NSF: variants seen among roughly 807,000 people sequenced by gnomAD.
NSF encodes N-ethylmaleimide sensitive factor, vesicle fusing ATPase.
A neutral mutation model predicts 50.3 loss-of-function variants in NSF; 14 were observed. That is an observed-to-expected ratio of 0.28 (90% CI 0.18 to 0.44). NSF has a LOEUF of 0.44. Ranked by LOEUF, NSF falls within the 20% of genes least tolerant of loss-of-function variation. The pLI is 1.00. For synonymous variants in NSF, 109 were observed against 175.7 expected, an observed-to-expected ratio of 0.62 and a Z score of 3.00; for missense variants, 218 against 504.3, an observed-to-expected ratio of 0.43 and a Z score of 5.44.
At chr17:46,625,758 A>AGTG (rs1372210660) in intron 2 of NSF, among the ~76,000 whole-genome samples, 2 of 103,174 alleles carry the variant, frequency 1.9e-5, no homozygotes, top group African/African-American at 1.0e-4. Flanking sequence ...TTAAAAAGAT[A>AGTG]GTGAGCTAGG....
intron 15 of NSF, chr17:46,721,541 G>C (rs752375069): frequency 2.6e-6 from 3 of 1,169,454 alleles, no homozygotes; most frequent in Non-Finnish European, 3.8e-6. Flanking sequence ...TTCTTTTTCT[G>C]TGTGTGTGTG....
intron 1 of NSF, among the ~76,000 whole-genome samples, chr17:46,621,231 T>C (rs958297558): frequency 4.0e-5 from 6 of 150,272 alleles, no homozygotes; most frequent in African/African-American, 1.5e-4. Context: ...ATAGTTTACC[T>C]GTGAATGAAG....
At position 46,711,041 on chromosome 17, in the gene NSF, G is replaced by C. The variant is rs1488487059; in HGVS notation, c.1549G>C (p.Val517Leu). The C allele has an allele frequency of 6.3e-7, 1 of 1,590,968 alleles. No homozygotes were observed. Residue 517 changes from valine (V) to leucine (L), a missense_variant, in exon 14 of 21, where the codon GTT becomes CTT. Coordinates refer to ENST00000398238, the MANE Select transcript of NSF (RefSeq NM_006178.4). ...CAAATGGGGTGACCCAGTTACTCGAGTTCTAGATGATGGGGAGCTGCTGGT... is the reference window on the plus strand; with the variant it reads ...CAAATGGGGTGACCCAGTTACTCGACTTCTAGATGATGGGGAGCTGCTGGT... Reference protein sequence around the residue: ...IIKWGDPVTRVLDDGELLVQQ... With the variant: ...IIKWGDPVTRLLDDGELLVQQ...
In NSF at chr17:46,710,955, C is replaced by T. The variant is rs765260122; in HGVS notation, c.1471-8C>T. 3 of 1,577,734 alleles carry T rather than the reference C, an allele frequency of 1.9e-6. No individual in the cohort carries two copies. The highest frequency in any genetic ancestry group is 2.0e-5 in the Admixed American group (1 of 48,866). On this transcript the variant is annotated splice_polypyrimidine_tract_variant and splice_region_variant and intron_variant, in intron 13 of 20. Transcript: ENST00000398238. ...CTCAAAATGCTTTAGACTCCTTTTT[C>T]TTAATAGGCCTTTGGCACAAACCAA...
At chr17:46,722,030 G>T (rs745700486) in intron 15 of NSF, 2 of 1,607,496 alleles carry the variant, frequency 1.2e-6, no homozygotes, top group Non-Finnish European at 1.7e-6. Context: ...CTTGGCTGCC[G>T]TAATATTCAG....
intron 15 of NSF, among the ~76,000 whole-genome samples, chr17:46,717,851 A>G (rs956396130): frequency 6.6e-6 from 1 of 152,196 alleles, no homozygotes; most frequent in African/African-American, 2.4e-5. Context: ...AAGGTCCTGG[A>G]GCATGATGGA....
chr17:46,691,571 G>C (rs1255144375), intron 9 of NSF, among the ~76,000 whole-genome samples: 2 of 150,516 alleles, frequency 1.3e-5, no homozygotes, highest in Admixed American at 6.6e-5. Flanking sequence ...CTCCAGCCTG[G>C]GCAGCAGAGC....
In NSF at chr17:46,730,654, C is replaced by A. The variant is rs180978363; in HGVS notation, c.1908+1720C>A. 3.4e-4 allele frequency among the ~76,000 whole-genome samples: 52 copies of A among 152,178 alleles called. No homozygotes were observed. The East Asian group carries it at 0.01, about 29-fold the overall frequency. ...CTTATACGTACATGCTTCACAAATA[C>A]CTTATCAACAAAAAAAAATTTTTCA... On this transcript the variant is annotated intron_variant, in intron 17 of 20. Coordinates refer to ENST00000398238, the MANE Select transcript of NSF (RefSeq NM_006178.4).
intron 17 of NSF, among the ~76,000 whole-genome samples, chr17:46,747,407 G>A (rs975951790): frequency 1.3e-5 from 2 of 151,978 alleles, no homozygotes; most frequent in Non-Finnish European, 1.5e-5. Context: ...CAGGCTCCCA[G>A]GTACCTGGGA....
rs2059166601 is a variant in NSF at position 46,750,043 on chromosome 17, T to C, written c.2043+136T>C. ...GGACCCGGGGATATTACAGGTTGTA[T>C]ATACCTTATCCAAAATGCCTGGGAC... is the stretch of plus-strand genomic sequence containing the variant. On this transcript the variant is annotated intron_variant, in intron 18 of 20. Coordinates refer to ENST00000398238, the MANE Select transcript of NSF (RefSeq NM_006178.4). The C allele has an allele frequency of 5.7e-5, 55 of 969,972 alleles. No individual in the cohort carries two copies. In the South Asian group the frequency reaches 1.1e-3, roughly 19 times the overall value. 60.1% of individuals were successfully genotyped at this position (969,972 alleles called of 1,614,324 possible).
chr17:46,682,132 A>ATT (rs2058465429), intron 9 of NSF, among the ~76,000 whole-genome samples: 1 of 99,828 alleles, frequency 1.0e-5, no homozygotes, highest in Non-Finnish European at 1.7e-5. Context: ...GGTGTTTTGG[A>ATT]TTTTGGTTTT....
At chr17:46,733,166 T>A (rs1038051292) in intron 17 of NSF, among the ~76,000 whole-genome samples, 1 of 152,194 alleles carries the variant, frequency 6.6e-6, no homozygotes, top group Non-Finnish European at 1.5e-5. Flanking sequence ...ACACTGGGGC[T>A]CTTTTCAAGT....
intron 8 of NSF, among the ~76,000 whole-genome samples, chr17:46,672,206 G>T (rs1279310413): frequency 2.3e-5 from 1 of 43,914 alleles, no homozygotes; most frequent in African/African-American, 8.6e-5. Context: ...GAGAATGGAT[G>T]AGTCTGCTGA....
At chr17:46,730,328 T>C (rs1005032627) in intron 17 of NSF, among the ~76,000 whole-genome samples, 2 of 152,122 alleles carry the variant, frequency 1.3e-5, no homozygotes, top group African/African-American at 4.8e-5. Context: ...TAGCTGAAAA[T>C]AATTTATGCT....
At chr17:46,722,726 A>T (rs890586527) in intron 15 of NSF, among the ~76,000 whole-genome samples, 1 of 152,300 alleles carries the variant, frequency 6.6e-6, no homozygotes, top group African/African-American at 2.4e-5. Context: ...TAGTGACTAG[A>T]TAAGGAAGAA....
rs2059222872 is a variant in NSF, at chr17:46,755,391, T to C, written c.2213+22T>C. 1.9e-6 allele frequency: 3 copies of C among 1,601,448 alleles called. No homozygotes were observed. In the Admixed American group the frequency reaches 5.0e-5, roughly 27 times the overall value. ...GAGCGTAAGTACATACAACATTTAA[T>C]GACCATCAACCAAACTTACCACCCT... is the stretch of plus-strand genomic sequence containing the variant. On this transcript the variant is annotated intron_variant, in intron 20 of 20. Transcript: ENST00000398238.
At chr17:46,690,611 C>A (rs369528387) in intron 9 of NSF, among the ~76,000 whole-genome samples, 573 of 91,488 alleles carry the variant, frequency 6.3e-3, no homozygotes, top group African/African-American at 7.4e-3. Context: ...GACTCCGTCT[C>A]AAAAAAAAAA....
chr17:46,718,567 C>T (rs1340462696), intron 15 of NSF, among the ~76,000 whole-genome samples: 1 of 152,108 alleles, frequency 6.6e-6, no homozygotes, highest in Non-Finnish European at 1.5e-5. Flanking sequence ...CATAGGACTA[C>T]CAAACTAGGG....
intron 15 of NSF, 62 bp downstream of exon 15, chr17:46,714,048 A>G: frequency 6.6e-7 from 1 of 1,507,068 alleles, no homozygotes. Context: ...GTGTGCACAT[A>G]TATATGCCTT....
Sources: allele counts gnomAD v4.1 joint callset (sites outside exome capture counted in the v4.1 genomes callset), GRCh38; gene constraint gnomAD v4.1.1; transcripts MANE v1.5; gene names NCBI Gene and HGNC (gene_info 2026-07-23, HGNC 2026-07-21).